The following TENM2 variants were observed in gnomAD, a reference collection of about 807,000 sequenced individuals.
TENM2 encodes the protein teneurin-2.
TENM2 carries 52 observed loss-of-function variants against 245.2 expected under a neutral mutation model. The ratio of observed to expected loss-of-function variants is 0.21; its 90% confidence interval spans 0.17 to 0.27. TENM2 has a LOEUF of 0.27. Among genes scored for constraint, TENM2 ranks in the 10% least tolerant of loss-of-function variants. The pLI, the probability that TENM2 is intolerant of heterozygous loss-of-function variation, is 1.00. For missense variants in TENM2, 3,046 were observed against 3,666.8 expected, an observed-to-expected ratio of 0.83 and a Z score of 4.37; for synonymous variants, 1,363 against 1,438.9, an observed-to-expected ratio of 0.95 and a Z score of 1.19.
At chr5:167,205,433 A>T in the TENM2 span, among the ~76,000 whole-genome samples, 2 of 152,238 alleles carry the variant, frequency 1.3e-5, no homozygotes, top group African/African-American at 4.8e-5. Flanking sequence ...TTTGCTTCCA[A>T]TAATAGTTCT....
chr5:168,164,299 G>A (rs1758016188), intron 13 of TENM2, among the ~76,000 whole-genome samples: 1 of 151,890 alleles, frequency 6.6e-6, no homozygotes, highest in South Asian at 2.1e-4. Context: ...ACATTTTAAC[G>A]TAAGATCTAC....
chr5:167,061,536 G>A, the TENM2 span, among the ~76,000 whole-genome samples: 4 of 152,228 alleles, frequency 2.6e-5, no homozygotes, highest in East Asian at 1.9e-4. Context: ...TATTTCCTGC[G>A]TGGGTTTGGG....
the TENM2 span, among the ~76,000 whole-genome samples, chr5:167,220,899 T>C: frequency 2.0e-5 from 3 of 152,012 alleles, no homozygotes; most frequent in Non-Finnish European, 4.4e-5. Context: ...CAATGTCAGC[T>C]CACTGCAACC....
intron 2 of TENM2, among the ~76,000 whole-genome samples, chr5:167,765,740 C>T (rs557692052): frequency 2.6e-5 from 4 of 152,134 alleles, no homozygotes; most frequent in African/African-American, 9.6e-5. Flanking sequence ...TTTTTCAGGC[C>T]GAAGATGCAC....
intron 2 of TENM2, among the ~76,000 whole-genome samples, chr5:167,486,377 G>A (rs1357284733): frequency 1.3e-5 from 2 of 148,852 alleles, no homozygotes; most frequent in South Asian, 4.3e-4. Flanking sequence ...CGCCCAGGCT[G>A]GAGTGCAGTG....
At chr5:167,276,683 C>T in the TENM2 span, among the ~76,000 whole-genome samples, 2 of 152,104 alleles carry the variant, frequency 1.3e-5, no homozygotes, top group East Asian at 1.9e-4. Context: ...TTGCGTATAA[C>T]CTATGCACAT....
intron 2 of TENM2, among the ~76,000 whole-genome samples, chr5:167,815,122 G>A (rs1766944837): frequency 6.6e-6 from 1 of 152,138 alleles, no homozygotes; most frequent in Admixed American, 6.6e-5. Flanking sequence ...GTGGTTTTAA[G>A]CAGAAAATCA....
intron 12 of TENM2, among the ~76,000 whole-genome samples, chr5:168,150,774 G>A (rs1159325034): frequency 6.6e-6 from 1 of 152,170 alleles, no homozygotes; most frequent in East Asian, 1.9e-4. Context: ...TACCTGGCTA[G>A]GGGGGCGCAA....
chr5:167,984,900 G>A (rs1783122220), intron 4 of TENM2, among the ~76,000 whole-genome samples: 1 of 151,964 alleles, frequency 6.6e-6, no homozygotes, highest in Non-Finnish European at 1.5e-5. Flanking sequence ...TCAGGACCCT[G>A]CCCCTTGAAT....
the TENM2 span, among the ~76,000 whole-genome samples, chr5:167,016,299 A>AG: frequency 7.0e-6 from 1 of 142,932 alleles, no homozygotes; most frequent in Non-Finnish European, 1.5e-5. Flanking sequence ...AAAAAAAAAA[A>AG]GAGGGAGAGA....
intron 4 of TENM2, among the ~76,000 whole-genome samples, chr5:167,982,656 G>T (rs1782933384): frequency 6.6e-6 from 1 of 152,108 alleles, no homozygotes; most frequent in Admixed American, 6.5e-5. Flanking sequence ...GAGGAGTTGA[G>T]ATTTGAGTCC....
the TENM2 span, among the ~76,000 whole-genome samples, chr5:167,195,934 A>G: frequency 1.4e-4 from 21 of 152,008 alleles, no homozygotes; most frequent in Non-Finnish European, 7.4e-5. Flanking sequence ...TTTGAAATCA[A>G]TATTTATATA....
At chr5:167,054,627 T>G in the TENM2 span, among the ~76,000 whole-genome samples, 1 of 152,186 alleles carries the variant, frequency 6.6e-6, no homozygotes, top group Admixed American at 6.5e-5. Flanking sequence ...AAAGTGGCTG[T>G]ACCATTTTAT....
chr5:168,201,586 C>T (rs1002310215), intron 17 of TENM2, among the ~76,000 whole-genome samples: 1 of 151,970 alleles, frequency 6.6e-6, no homozygotes, highest in Non-Finnish European at 1.5e-5. Flanking sequence ...AACATAAAAA[C>T]AATATCATCA....
chr5:167,608,550 C>T (rs867978288), intron 2 of TENM2, among the ~76,000 whole-genome samples: 2 of 152,310 alleles, frequency 1.3e-5, no homozygotes, highest in South Asian at 2.1e-4. Context: ...CACATTAAAT[C>T]GGGGGGCACT....
chr5:167,278,504 C>G, the TENM2 span, among the ~76,000 whole-genome samples: 4 of 151,918 alleles, frequency 2.6e-5, no homozygotes, highest in Non-Finnish European at 5.9e-5. Flanking sequence ...CTTTTCGTAT[C>G]TCTGTTTTAT....
chr5:167,394,146 T>G (rs13185005), intron 2 of TENM2, among the ~76,000 whole-genome samples: 5,773 of 152,300 alleles, frequency 0.038, 153 homozygotes, highest in South Asian at 0.061. Flanking sequence ...GTCCCACCTA[T>G]TTTTGCTTTT....
chr5:167,460,049 T>C (rs892974206), intron 2 of TENM2, among the ~76,000 whole-genome samples: 4 of 152,166 alleles, frequency 2.6e-5, no homozygotes, highest in Non-Finnish European at 4.4e-5. Context: ...ATATATTTCC[T>C]CTTCCATTTC....
At chr5:168,245,881 T>G (rs111795565) in intron 26 of TENM2, among the ~76,000 whole-genome samples, 2,614 of 149,278 alleles carry the variant, frequency 0.018, 70 homozygotes, top group African/African-American at 0.062. Flanking sequence ...ATTGAAGTCA[T>G]TTTTTTCCCC....
Sources: gnomAD v4.1 joint callset for allele counts (sites outside exome capture counted in the v4.1 genomes callset) on GRCh38, gnomAD v4.1.1 for gene constraint, MANE v1.5 for transcripts, NCBI Gene and HGNC (gene_info 2026-07-23, HGNC 2026-07-21) for gene names.